Variants in PRPF38B observed in about 807,000 individuals in gnomAD.
PRPF38B encodes pre-mRNA-splicing factor 38B.
A neutral mutation model predicts 67.2 loss-of-function variants in PRPF38B; 18 were observed. That is an observed-to-expected ratio of 0.27 (90% CI 0.19 to 0.40). The LOEUF (loss-of-function observed/expected upper bound fraction) is 0.40. Among genes scored for constraint, PRPF38B ranks in the 10% least tolerant of loss-of-function variants. PRPF38B has a pLI of 1.00. For missense variants in PRPF38B, 544 were observed against 684.9 expected (o/e 0.79, Z 2.30); for synonymous variants, 246 against 234.2 (o/e 1.05, Z -0.46).
chr1:108,695,735 A>C lies in PRPF38B; in HGVS notation c.310A>C (p.Arg104=). The C allele has an allele frequency of 1.2e-6, 2 of 1,614,034 alleles. No individual in the cohort carries two copies. Among genetic ancestry groups the C allele is most frequent in the South Asian group, 2.2e-5 (2 of 91,078 alleles). ...THVEPWEKGS[R]KTAGQTGMCG... ...CGTTGAACCATGGGAGAAAGGAAGC[A>C]GGAAAACAGCGGGCCAGACAGGGAT... is the stretch of plus-strand genomic sequence containing the variant. The change falls in exon 2 of 6, where the codon AGG becomes CGG. Residue 104 remains arginine, a synonymous_variant. Transcript: ENST00000370025.
intron 1 of PRPF38B, among the ~76,000 whole-genome samples, chr1:108,694,320 T>C (rs1659639334): frequency 6.6e-6 from 1 of 152,218 alleles, no homozygotes; most frequent in African/African-American, 2.4e-5. Flanking sequence ...CAGGTTCTGT[T>C]TTCTAACATA....
intron 4 of PRPF38B, 134 bp downstream of exon 4, chr1:108,696,471 T>G: frequency 1.3e-6 from 1 of 781,846 alleles, no homozygotes; most frequent in South Asian, 1.9e-5. Flanking sequence ...CTTTTGGAAT[T>G]AATGTCCTTT....
In PRPF38B at chr1:108,692,405, T is replaced by A. The variant is rs942515854; in HGVS notation, c.-187T>A. On this transcript the variant is annotated 5_prime_UTR_variant, in exon 1 of 6. Coordinates refer to ENST00000370025, the MANE Select transcript of PRPF38B (RefSeq NM_018061.4). Reference sequence around the variant, plus strand: ...TTCTCGCGGTCTGGGTTTCGCTGTCTGCTCTTGGCCCGGGGTCATTTTGTC... The same window carrying A: ...TTCTCGCGGTCTGGGTTTCGCTGTCAGCTCTTGGCCCGGGGTCATTTTGTC... 1.5e-5 allele frequency: 10 copies of A among 663,232 alleles called. No individual in the cohort carries two copies. Among genetic ancestry groups the A allele is most frequent in the Non-Finnish European group, 2.5e-5 (10 of 400,728 alleles). 41.1% of individuals were successfully genotyped at this position (663,232 alleles called of 1,614,324 possible).
chr1:108,700,115 C>T lies in PRPF38B; in HGVS notation c.*95C>T. The T allele has an allele frequency of 6.8e-7, 1 of 1,478,854 alleles. No homozygotes were observed. The highest frequency in any genetic ancestry group is 2.6e-5 in the Admixed American group (1 of 38,968). 91.6% of individuals were successfully genotyped at this position (1,478,854 alleles called of 1,614,324 possible). A position where few individuals can be genotyped will look rare whatever the true frequency, so the allele number is the denominator to read the frequency against. ...AGATTGTGCAGTAGTTCGCACTCCTCAAGCTCTCCCTGTAGGCTGCATTTT... is the reference window on the plus strand; with the variant it reads ...AGATTGTGCAGTAGTTCGCACTCCTTAAGCTCTCCCTGTAGGCTGCATTTT... On this transcript the variant is annotated 3_prime_UTR_variant, in exon 6 of 6. Coordinates refer to ENST00000370025, the MANE Select transcript of PRPF38B (RefSeq NM_018061.4).
Position 108,700,085 on chromosome 1 carries a change from C to T in PRPF38B, c.*65C>T, listed in dbSNP as rs537615885. ...TGATTAAATCTGCTTTTTTCCCCCA[C>T]GTTGAGATTGTGCAGTAGTTCGCAC... On this transcript the variant is annotated 3_prime_UTR_variant, in exon 6 of 6. Coordinates refer to ENST00000370025, the MANE Select transcript of PRPF38B (RefSeq NM_018061.4). 17 of 1,521,192 alleles carry T rather than the reference C, an allele frequency of 1.1e-5. No homozygotes were observed. The highest frequency in any genetic ancestry group is 4.6e-5 in the Admixed American group (2 of 43,954). The allele number at this position is 1,521,192 out of a possible 1,614,324, so 94.2% of individuals were successfully genotyped here.
intron 2 of PRPF38B, 35 bp downstream of exon 2, chr1:108,695,805 G>A: frequency 6.2e-7 from 1 of 1,600,604 alleles, no homozygotes; most frequent in East Asian, 2.2e-5. Context: ...CAGTTTTTCT[G>A]TGTCTAATAA....
chr1:108,699,529 C>A lies in PRPF38B; in HGVS notation c.1150C>A (p.Arg384=). ...RGNEREKERE[R]SRERSKEQRS... ...AAATGAACGAGAAAAAGAGAGAGAG[C>A]GATCAAGAGAAAGGTCCAAGGAACA... Residue 384 remains arginine (R), a synonymous_variant, in exon 6 of 6, where the codon CGA becomes AGA. Coordinates refer to ENST00000370025, the MANE Select transcript of PRPF38B (RefSeq NM_018061.4). 1 of 1,557,754 alleles carries A rather than the reference C, an allele frequency of 6.4e-7. No homozygotes were observed. The highest frequency in any genetic ancestry group is 8.7e-7 in the Non-Finnish European group (1 of 1,150,960).
intron 1 of PRPF38B, among the ~76,000 whole-genome samples, chr1:108,694,086 C>T (rs1459317156): frequency 3.9e-5 from 6 of 152,182 alleles, no homozygotes; most frequent in African/African-American, 1.4e-4. Context: ...TAGAAAACAT[C>T]TCTTGAATAC....
At chr1:108,694,096 C>G (rs1230840051) in intron 1 of PRPF38B, among the ~76,000 whole-genome samples, 3 of 152,192 alleles carry the variant, frequency 2.0e-5, no homozygotes, top group African/African-American at 7.2e-5. Context: ...CTCTTGAATA[C>G]AGTTCAACTT....
rs535339081 is a variant in PRPF38B, at chr1:108,702,197, C to T, written c.*2177C>T. ...CTGGAGTGCAGTGGTGCAATCTCTG[C>T]TCACTGCAGCCTCCACTTCCCTGGC... On this transcript the variant is annotated 3_prime_UTR_variant, in exon 6 of 6. Coordinates refer to ENST00000370025, the MANE Select transcript of PRPF38B (RefSeq NM_018061.4). Among the ~76,000 whole-genome samples, 3 of 152,332 alleles carry T rather than the reference C, an allele frequency of 2.0e-5. No homozygotes were observed. Among genetic ancestry groups the T allele is most frequent in the South Asian group, 4.1e-4 (2 of 4,824 alleles).
rs562558448 is a variant in PRPF38B, at chr1:108,692,360, G to C, written c.-232G>C. The C allele has an allele frequency of 8.9e-6, 5 of 560,250 alleles. No individual in the cohort carries two copies. In the East Asian group the frequency reaches 1.5e-4, roughly 17 times the overall value. 34.7% of individuals were successfully genotyped at this position (560,250 alleles called of 1,614,324 possible). A position where few individuals can be genotyped will look rare whatever the true frequency, so the allele number is the denominator to read the frequency against. On this transcript the variant is annotated 5_prime_UTR_variant, in exon 1 of 6. Transcript: ENST00000370025. ...GAAGAGATCGAGCTCCCTGGCTGCC[G>C]GCTCGCCTTCTGCGTGGAGTTCTCG...
Position 108,692,408 on chromosome 1 carries a change from T to C in PRPF38B, c.-184T>C. 1 of 677,608 alleles carries C rather than the reference T, an allele frequency of 1.5e-6. No homozygotes were observed. 42.0% of individuals were successfully genotyped at this position (677,608 alleles called of 1,614,324 possible). ...TCGCGGTCTGGGTTTCGCTGTCTGC[T>C]CTTGGCCCGGGGTCATTTTGTCGGC... On this transcript the variant is annotated 5_prime_UTR_variant, in exon 1 of 6. Coordinates refer to ENST00000370025, the MANE Select transcript of PRPF38B (RefSeq NM_018061.4).
At position 108,700,076 on chromosome 1, in the gene PRPF38B, T is replaced by C. The variant is rs1195120541; in HGVS notation, c.*56T>C. The stretch of plus-strand genomic sequence containing the variant: ...TCCTATAAATGATTAAATCTGCTTT[T>C]TTCCCCCACGTTGAGATTGTGCAGT... On this transcript the variant is annotated 3_prime_UTR_variant, in exon 6 of 6. Coordinates refer to ENST00000370025, the MANE Select transcript of PRPF38B (RefSeq NM_018061.4). 9.2e-6 allele frequency: 14 copies of C among 1,523,520 alleles called. No homozygotes were observed. In the Admixed American group the frequency reaches 1.8e-4, roughly 20 times the overall value. The allele number at this position is 1,523,520 out of a possible 1,614,324, so 94.4% of individuals were successfully genotyped here.
In PRPF38B at chr1:108,695,710, C is replaced by T. The variant is rs201667827; in HGVS notation, c.285C>T (p.His95=). Residue 95 remains histidine, a synonymous_variant, in exon 2 of 6, where the codon CAC becomes CAT. Coordinates refer to ENST00000370025, the MANE Select transcript of PRPF38B (RefSeq NM_018061.4). ...VVDEIYFKVT[H]VEPWEKGSRK... ...CTCTTTTCTATTTTCAGGTCACGCA[C>T]GTTGAACCATGGGAGAAAGGAAGCA... The T allele has an allele frequency of 9.3e-6, 15 of 1,613,732 alleles. No individual in the cohort carries two copies. The highest frequency in any genetic ancestry group is 1.3e-5 in the African/African-American group (1 of 74,880).
chr1:108,696,954 T>C (rs1293900436), intron 4 of PRPF38B: 2 of 548,910 alleles, frequency 3.6e-6, no homozygotes, highest in Non-Finnish European at 6.4e-6. Flanking sequence ...TAATTTGAAA[T>C]CTGAAATACT....
chr1:108,696,466 G>T, intron 4 of PRPF38B, 129 bp downstream of exon 4: 1 of 801,754 alleles, frequency 1.2e-6, no homozygotes, highest in Non-Finnish European at 2.0e-6. Flanking sequence ...AGATACTTTT[G>T]GAATTAATGT....
chr1:108,695,178 G>A (rs1217061880), intron 1 of PRPF38B, among the ~76,000 whole-genome samples: 2 of 152,116 alleles, frequency 1.3e-5, no homozygotes, highest in East Asian at 1.9e-4. Flanking sequence ...TTTTCTTCAA[G>A]TAATTTTCCT....
intron 4 of PRPF38B, chr1:108,697,066 C>T (rs183670878): frequency 3.3e-6 from 1 of 299,584 alleles, no homozygotes; most frequent in Non-Finnish European, 6.1e-6. Context: ...TATAGTGAGA[C>T]CTCATCTCTA....
rs1253708581 is a variant in PRPF38B at position 108,700,223 on chromosome 1, A to G, written c.*203A>G. 4.1e-5 allele frequency: 34 copies of G among 834,008 alleles called. No individual in the cohort carries two copies. The highest frequency in any genetic ancestry group is 4.9e-5 in the Non-Finnish European group (29 of 591,572). The allele number at this position is 834,008 out of a possible 1,614,324, so 51.7% of individuals were successfully genotyped here. On this transcript the variant is annotated 3_prime_UTR_variant, in exon 6 of 6. Coordinates refer to ENST00000370025, the MANE Select transcript of PRPF38B (RefSeq NM_018061.4). Reference sequence around the variant, plus strand: ...TTCACCCAATTGTTAAGTTTGATACATGATGCACAGATTGTTCTTGCATTT... The same window carrying G: ...TTCACCCAATTGTTAAGTTTGATACGTGATGCACAGATTGTTCTTGCATTT...
Sources: allele counts gnomAD v4.1 joint callset (sites outside exome capture counted in the v4.1 genomes callset), GRCh38; gene constraint gnomAD v4.1.1; transcripts MANE v1.5; gene names NCBI Gene and HGNC (gene_info 2026-07-23, HGNC 2026-07-21).